LUC7L2: variants seen among roughly 807,000 people sequenced by gnomAD.
LUC7L2 encodes the protein LUC7 like 2, pre-mRNA splicing factor, also known as putative RNA-binding protein Luc7-like 2.
Under a neutral mutation model 52.8 loss-of-function variants are expected in LUC7L2, and 25 were observed. The observed-to-expected ratio is 0.47, with a 90% CI of 0.34 to 0.66. LUC7L2 has a LOEUF of 0.66. Among genes scored for constraint, LUC7L2 ranks in the 30% least tolerant of loss-of-function variants. The pLI is 0.01. For synonymous variants in LUC7L2, 144 were observed against 160.9 expected (o/e 0.89, Z 0.80); for missense variants, 328 against 497.8 (o/e 0.66, Z 3.25).
rs925230664 is a variant in LUC7L2 at position 139,390,306 on chromosome 7, G to C, written c.157-8293G>C. 6.2e-4 allele frequency among the ~76,000 whole-genome samples: 93 copies of C among 150,756 alleles called. 1 individual carries two copies. Among genetic ancestry groups the C allele is most frequent in the African/African-American group, 2.2e-3 (91 of 41,080 alleles). On this transcript the variant is annotated intron_variant, in intron 2 of 9. Transcript: ENST00000354926. ...ACCAGGGTCTCAATCTGTCCCCCAG[G>C]CTGGAGTGCAGTGGCGCCATCTCCA...
intron 2 of LUC7L2, among the ~76,000 whole-genome samples, chr7:139,381,028 T>C (rs1279294616): frequency 6.6e-6 from 1 of 152,200 alleles, no homozygotes; most frequent in African/African-American, 2.4e-5. Flanking sequence ...CCACTAATTT[T>C]ATGATAGCCC....
intron 2 of LUC7L2, chr7:139,392,407 C>T (rs868520973): frequency 2.6e-5 from 10 of 381,084 alleles, no homozygotes; most frequent in East Asian, 8.6e-5. Flanking sequence ...AAATTCTTGA[C>T]GATTTAACTT....
At chr7:139,421,833 T>A (rs1430814931) in intron 9 of LUC7L2, among the ~76,000 whole-genome samples, 8 of 152,254 alleles carry the variant, frequency 5.3e-5, no homozygotes, top group Admixed American at 4.6e-4. Context: ...TTCTTTCACT[T>A]TTTAAAGCTG....
intron 1 of LUC7L2, among the ~76,000 whole-genome samples, chr7:139,349,529 G>T (rs1339384299): frequency 6.6e-6 from 1 of 151,734 alleles, no homozygotes; most frequent in Non-Finnish European, 1.5e-5. Context: ...TTGGTTACTA[G>T]TCTAGTGATA....
Position 139,374,952 on chromosome 7 carries a change from G to A in LUC7L2, c.62-1110G>A, listed in dbSNP as rs1019988437. On this transcript the variant is annotated intron_variant, in intron 1 of 9. Transcript: ENST00000354926. ...TTTTGGAGTGCTCCAGGCATATCAT[G>A]TGAAATACAGAGGTATTTATATCTC... 1.0e-5 allele frequency: 10 copies of A among 987,382 alleles called. No homozygotes were observed. The African/African-American group carries it at 1.6e-4, about 16-fold the overall frequency. The allele number at this position is 987,382 out of a possible 1,614,324, so 61.2% of individuals were successfully genotyped here. A position where few individuals can be genotyped will look rare whatever the true frequency, so the allele number is the denominator to read the frequency against.
intron 2 of LUC7L2, among the ~76,000 whole-genome samples, chr7:139,389,721 T>C (rs1438969116): frequency 6.6e-6 from 1 of 152,222 alleles, no homozygotes; most frequent in African/African-American, 2.4e-5. Flanking sequence ...AACAAAATAT[T>C]GAGTACCTAT....
intron 2 of LUC7L2, among the ~76,000 whole-genome samples, chr7:139,378,320 TA>T (rs1265071213): frequency 1.3e-5 from 2 of 152,034 alleles, no homozygotes; most frequent in Non-Finnish European, 2.9e-5. Flanking sequence ...CTACTTGAGA[TA>T]AATTTTGAGA....
intron 8 of LUC7L2, 123 bp from the exon 9 acceptor site, chr7:139,417,415 T>A: frequency 8.1e-7 from 1 of 1,234,676 alleles, no homozygotes; most frequent in South Asian, 1.6e-5. Flanking sequence ...TAGATTTAGC[T>A]GACTTGGAAT....
At chr7:139,415,897 C>T (rs996709823) in intron 8 of LUC7L2, among the ~76,000 whole-genome samples, 51 of 151,416 alleles carry the variant, frequency 3.4e-4, no homozygotes, top group African/African-American at 1.2e-3. Flanking sequence ...CTTTTAGCAT[C>T]GTTCATAACA....
At position 139,422,215 on chromosome 7, in the gene LUC7L2, A is replaced by G. The variant is rs965608225; in HGVS notation, c.1054A>G (p.Arg352Gly). The G allele has an allele frequency of 1.2e-6, 2 of 1,614,160 alleles. No homozygotes were observed. The highest frequency in any genetic ancestry group is 1.7e-6 in the Non-Finnish European group (2 of 1,180,012). ...DQDLASCDRD[R>G]SSRDRSPRDR... ...AGACTTAGCATCATGTGACAGAGACAGGAGTTCAAGAGACAGATCACCTCG... is the reference window on the plus strand; with the variant it reads ...AGACTTAGCATCATGTGACAGAGACGGGAGTTCAAGAGACAGATCACCTCG... The change falls in exon 10 of 10, where the codon AGG becomes GGG. Residue 352 changes from arginine to glycine, a missense_variant. By Grantham distance (125) the Arg-to-Gly change is moderately radical. Transcript: ENST00000354926.
At chr7:139,353,049 T>G (rs1248641806) in intron 1 of LUC7L2, among the ~76,000 whole-genome samples, 1 of 151,912 alleles carries the variant, frequency 6.6e-6, no homozygotes, top group Non-Finnish European at 1.5e-5. Flanking sequence ...AATACAAAAA[T>G]TAGCTGGGCT....
intron 8 of LUC7L2, 86 bp from the exon 9 acceptor site, chr7:139,417,452 A>G (rs1795671983): frequency 6.6e-7 from 1 of 1,512,350 alleles, no homozygotes; most frequent in Non-Finnish European, 8.9e-7. Context: ...CTACTGAAAA[A>G]AAGTTTCTCT....
upstream of LUC7L2, among the ~76,000 whole-genome samples, chr7:139,355,426 C>A (rs933777197): frequency 2.6e-5 from 4 of 151,726 alleles, no homozygotes; most frequent in African/African-American, 9.7e-5. Context: ...TATGTGAGAA[C>A]CAACATGAGC....
At chr7:139,416,325 G>T (rs1795615473) in intron 8 of LUC7L2, 2 of 151,710 alleles carry the variant, frequency 1.3e-5, no homozygotes, top group African/African-American at 4.8e-5. Context: ...GGCTATAAAA[G>T]TGTCTTACCT....
chr7:139,348,685 C>T (rs937772566), intron 1 of LUC7L2, among the ~76,000 whole-genome samples: 5 of 151,132 alleles, frequency 3.3e-5, no homozygotes, highest in South Asian at 2.1e-4. Flanking sequence ...CACAACTGCA[C>T]TCAAGCCTGG....
chr7:139,389,225 AT>A (rs879485841), intron 2 of LUC7L2, among the ~76,000 whole-genome samples: 4 of 151,524 alleles, frequency 2.6e-5, no homozygotes, highest in Non-Finnish European at 5.9e-5. Context: ...TGAAACATGG[AT>A]TTTATTGTGT....
intron 1 of LUC7L2, among the ~76,000 whole-genome samples, chr7:139,354,016 TG>T (rs1329929165): frequency 2.3e-4 from 35 of 150,552 alleles, no homozygotes; most frequent in African/African-American, 7.1e-4. Flanking sequence ...CTCAGGAGGC[TG>T]AGGCAGGAGA....
chr7:139,374,057 T>G (rs11772771), intron 1 of LUC7L2, among the ~76,000 whole-genome samples: 1 of 152,090 alleles, frequency 6.6e-6, no homozygotes, highest in South Asian at 2.1e-4. Flanking sequence ...CATTCTGATA[T>G]GAGTTTATCA....
chr7:139,418,086 A>T (rs1795709094), intron 9 of LUC7L2, among the ~76,000 whole-genome samples: 1 of 152,240 alleles, frequency 6.6e-6, no homozygotes, highest in African/African-American at 2.4e-5. Context: ...TCATTACAAG[A>T]GTTGTTTAGC....
Sources: gnomAD v4.1 joint callset for allele counts (sites outside exome capture counted in the v4.1 genomes callset) on GRCh38, gnomAD v4.1.1 for gene constraint, MANE v1.5 for transcripts, NCBI Gene and HGNC (gene_info 2026-07-23, HGNC 2026-07-21) for gene names.